The following MECOM variants were observed in gnomAD, a reference collection of about 807,000 sequenced individuals.
MECOM encodes the protein MDS1 and EVI1 complex locus.
In MECOM, 13 loss-of-function variants were observed where a neutral mutation model predicts 116.3. The observed-to-expected ratio is 0.11, with a 90% confidence interval of 0.07 to 0.18. The LOEUF (loss-of-function observed/expected upper bound fraction) is 0.18, where lower values mean the gene tolerates loss of function less well. Ranked by LOEUF, MECOM falls within the 10% of genes least tolerant of loss-of-function variation. The probability of loss-of-function intolerance (pLI) is 1.00; values close to 1 mark genes in which losing one functional copy is unlikely to be tolerated. For synonymous variants in MECOM, 528 were observed against 535.2 expected (o/e 0.99, Z 0.19); for missense variants, 1,299 against 1,509.0 (o/e 0.86, Z 2.31).
intron 1 of MECOM, among the ~76,000 whole-genome samples, chr3:169,383,973 G>A (rs867618983): frequency 1.3e-4 from 20 of 152,044 alleles, no homozygotes; most frequent in African/African-American, 3.6e-4. Context: ...TCCTATCACC[G>A]TCCCATTTAA....
rs985206826 is a variant in MECOM, at chr3:169,573,883, C to T, written c.37+89453G>A. ...GTTGAGTTGGAAATGAAATAAAATG[C>T]TGCATGTTCTGCATTTTTTTAACTC... On this transcript the variant is annotated intron_variant, in intron 1 of 16. Coordinates refer to ENST00000651503, the MANE Select transcript of MECOM (RefSeq NM_004991.4). 1.6e-4 allele frequency among the ~76,000 whole-genome samples: 24 copies of T among 152,218 alleles called. No individual in the cohort carries two copies. In the East Asian group the frequency reaches 3.3e-3, roughly 21 times the overall value.
rs1442808577 is a variant in MECOM, at chr3:169,115,614, G to A, written c.2258C>T (p.Pro753Leu). ...DLTTKRKDEK[P>L]LTPVPSKPPV... is the part of the protein sequence containing the mutation. Reference sequence around the variant, plus strand: ...AGGCTTGGAGGGGACTGGAGTCAAGGGCTTCTCATCCTTTCGCTTAGTGGT... The same window carrying A: ...AGGCTTGGAGGGGACTGGAGTCAAGAGCTTCTCATCCTTTCGCTTAGTGGT... The change falls in exon 8 of 17, where the codon CCC (proline) becomes CTC (leucine). Residue 753 changes from proline (P) to leucine (L), a missense_variant. Coordinates refer to ENST00000651503, the MANE Select transcript of MECOM (RefSeq NM_004991.4). 6.2e-7 allele frequency: 1 copy of A among 1,614,006 alleles called. No homozygotes were observed. Among genetic ancestry groups the A allele is most frequent in the Non-Finnish European group, 8.5e-7 (1 of 1,180,026 alleles).
chr3:169,542,534 G>C (rs7625022), intron 1 of MECOM, among the ~76,000 whole-genome samples: 31,498 of 152,108 alleles, frequency 0.21, 4,362 homozygotes, highest in East Asian at 0.68. Flanking sequence ...TCTCCTTTTA[G>C]AGCAGGTTGA....
intron 1 of MECOM, among the ~76,000 whole-genome samples, chr3:169,663,080 C>T (rs2110154538): frequency 6.6e-6 from 1 of 150,438 alleles, no homozygotes; most frequent in Non-Finnish European, 1.5e-5. Flanking sequence ...ACCCCCACCC[C>T]GGGGTTGCCA....
intron 2 of MECOM, among the ~76,000 whole-genome samples, chr3:169,244,258 G>A (rs1461368096): frequency 1.3e-5 from 2 of 152,162 alleles, no homozygotes; most frequent in Admixed American, 1.3e-4. Flanking sequence ...CACAGCTCTG[G>A]AGTAATAGAT....
intron 1 of MECOM, among the ~76,000 whole-genome samples, chr3:169,656,382 C>A (rs532553968): frequency 6.6e-6 from 1 of 152,094 alleles, no homozygotes; most frequent in South Asian, 2.1e-4. Context: ...GCTGAATATA[C>A]AAGCCAAAAG....
At chr3:169,151,125 C>T (rs930774751) in intron 2 of MECOM, among the ~76,000 whole-genome samples, 12 of 152,162 alleles carry the variant, frequency 7.9e-5, no homozygotes, top group African/African-American at 2.4e-4. Flanking sequence ...TCATGGTCGT[C>T]CCAGAAGTAA....
intron 1 of MECOM, among the ~76,000 whole-genome samples, chr3:169,478,272 A>G (rs879786419): frequency 4.6e-5 from 7 of 152,192 alleles, no homozygotes; most frequent in Non-Finnish European, 1.0e-4. Flanking sequence ...AAGTATTAAT[A>G]TTGACAACTG....
intron 1 of MECOM, among the ~76,000 whole-genome samples, chr3:169,470,350 A>C (rs992822246): frequency 6.6e-6 from 1 of 152,252 alleles, no homozygotes; most frequent in Non-Finnish European, 1.5e-5. Flanking sequence ...CATTAGCAAG[A>C]ATTCCAAAGA....
chr3:169,645,437 C>T (rs1465489155), intron 1 of MECOM, among the ~76,000 whole-genome samples: 5 of 152,148 alleles, frequency 3.3e-5, no homozygotes, highest in African/African-American at 1.2e-4. Flanking sequence ...GTAAAGTCCT[C>T]CCTCATAAAA....
chr3:169,526,577 T>A (rs1484052324), intron 1 of MECOM, among the ~76,000 whole-genome samples: 2 of 152,356 alleles, frequency 1.3e-5, no homozygotes, highest in Admixed American at 6.5e-5. Flanking sequence ...TTTGACCTTC[T>A]TAAGATGAGT....
At chr3:169,341,857 G>T (rs1215872766) in intron 2 of MECOM, among the ~76,000 whole-genome samples, 1 of 152,068 alleles carries the variant, frequency 6.6e-6, no homozygotes, top group Non-Finnish European at 1.5e-5. Context: ...TGGATTGTCT[G>T]TAACTTAAAG....
chr3:169,525,964 G>T (rs112639711), intron 1 of MECOM, among the ~76,000 whole-genome samples: 17,232 of 151,782 alleles, frequency 0.11, 1,048 homozygotes, highest in African/African-American at 0.12. Context: ...AGGAGGTGAA[G>T]TTGCAGTGAG....
chr3:169,191,894 T>C (rs754241780), intron 2 of MECOM, among the ~76,000 whole-genome samples: 1 of 151,944 alleles, frequency 6.6e-6, no homozygotes, highest in Admixed American at 6.6e-5. Context: ...ACTGCAGATA[T>C]ATGTCAGATT....
At chr3:169,590,649 C>A (rs1448519927) in intron 1 of MECOM, among the ~76,000 whole-genome samples, 1 of 152,212 alleles carries the variant, frequency 6.6e-6, no homozygotes, top group Non-Finnish European at 1.5e-5. Context: ...ACCTTCTCAA[C>A]AAATCAACAG....
At chr3:169,223,416 C>G (rs1254156840) in intron 2 of MECOM, among the ~76,000 whole-genome samples, 3 of 151,304 alleles carry the variant, frequency 2.0e-5, no homozygotes, top group African/African-American at 7.3e-5. Context: ...ATAGTTTGCT[C>G]AGAATGATGG....
At chr3:169,327,369 G>A (rs1722006222) in intron 2 of MECOM, among the ~76,000 whole-genome samples, 1 of 152,104 alleles carries the variant, frequency 6.6e-6, no homozygotes, top group Non-Finnish European at 1.5e-5. Context: ...GCTGGGCACG[G>A]TGGCTCACGC....
rs200419535 is a variant in MECOM at position 169,339,226 on chromosome 3, T to C, written c.375+41961A>G. On this transcript the variant is annotated intron_variant, in intron 2 of 16. Transcript: ENST00000651503. ...CATTACATAAGGGCTTCAAGTGTCA[T>C]GTGAATGTTAAATTAGGACTCCACA... Among the ~76,000 whole-genome samples, 24 of 152,296 alleles carry C rather than the reference T, an allele frequency of 1.6e-4. No individual in the cohort carries two copies. The East Asian group carries it at 4.4e-3, about 28-fold the overall frequency.
intron 2 of MECOM, among the ~76,000 whole-genome samples, chr3:169,204,227 C>G (rs1749603238): frequency 6.6e-6 from 1 of 152,176 alleles, no homozygotes; most frequent in South Asian, 2.1e-4. Flanking sequence ...CCAAACAATT[C>G]TGTCTTTATG....
Sources: gnomAD v4.1 joint callset for allele counts (sites outside exome capture counted in the v4.1 genomes callset) on GRCh38, gnomAD v4.1.1 for gene constraint, MANE v1.5 for transcripts, NCBI Gene and HGNC (gene_info 2026-07-23, HGNC 2026-07-21) for gene names.